The following NTN1 variants were observed in gnomAD, a reference collection of about 807,000 sequenced individuals.
NTN1 encodes netrin 1, also known as netrin-1.
Under a neutral mutation model 54.2 loss-of-function variants are expected in NTN1, and 11 were observed. The observed-to-expected ratio is 0.20, with a 90% CI of 0.13 to 0.34. NTN1 has a LOEUF of 0.34. NTN1 is among the 10% of genes least tolerant of loss of function. The pLI is 1.00. For missense variants in NTN1, 740 were observed against 893.1 expected (o/e 0.83, Z 2.18); for synonymous variants, 371 against 382.0 (o/e 0.97, Z 0.33).
At chr17:9,099,257 T>G (rs1238629789) in intron 2 of NTN1, among the ~76,000 whole-genome samples, 1 of 152,164 alleles carries the variant, frequency 6.6e-6, no homozygotes, top group Admixed American at 6.6e-5. Context: ...CAAAAAAAGT[T>G]AGCTGGGTGT....
At position 9,139,190 on chromosome 17, in the gene NTN1, G is replaced by T. The variant is rs1181135200; in HGVS notation, c.1019-23623G>T. ...TGGGGGCCTTGAATGCTGAGCTTAG[G>T]AATCGAGACATGTCCTTTAGGCTCT... is the stretch of plus-strand genomic sequence containing the variant. On this transcript the variant is annotated intron_variant, in intron 2 of 6. Transcript: ENST00000173229. Among the ~76,000 whole-genome samples the T allele has an allele frequency of 2.0e-5, 3 of 152,144 alleles. No individual in the cohort carries two copies. In the East Asian group the frequency reaches 5.8e-4, roughly 29 times the overall value.
At chr17:9,127,079 G>A (rs1042204066) in intron 2 of NTN1, among the ~76,000 whole-genome samples, 1 of 140,766 alleles carries the variant, frequency 7.1e-6, no homozygotes, top group Non-Finnish European at 1.6e-5. Context: ...GCCGGGGGGG[G>A]GCAGGACAGG....
chr17:9,195,192 A>ACCGCCCCCCCCCCC (rs3031881), intron 5 of NTN1, among the ~76,000 whole-genome samples: 9 of 142,510 alleles, frequency 6.3e-5, no homozygotes, highest in Admixed American at 2.9e-4. Context: ...GGCGAGCTCT[A>ACCGCCCCCCCCCCC]CCACCCCTCC....
chr17:9,238,812 A>G (rs956281710), intron 6 of NTN1, among the ~76,000 whole-genome samples: 3 of 152,202 alleles, frequency 2.0e-5, no homozygotes, highest in African/African-American at 7.2e-5. Flanking sequence ...CCTCTGAGTC[A>G]ATGACATCGG....
At chr17:9,124,291 G>A (rs1057116601) in intron 2 of NTN1, among the ~76,000 whole-genome samples, 1 of 152,252 alleles carries the variant, frequency 6.6e-6, no homozygotes, top group African/African-American at 2.4e-5. Context: ...GGGTGGAAAT[G>A]TGGCAGAGGA....
chr17:9,022,508 C>T lies in NTN1; in HGVS notation c.135C>T (p.Asn45=), dbSNP rs2091854124. Residue 45 remains asparagine (N), a synonymous_variant, in exon 2 of 7, where the codon AAC becomes AAT. Transcript: ENST00000173229. ...AGCCCGATCCCTGCTCGGACGAGAACGGCCACCCGCGCCGCTGCATCCCGG... is the reference window on the plus strand; with the variant it reads ...AGCCCGATCCCTGCTCGGACGAGAATGGCCACCCGCGCCGCTGCATCCCGG... ...AAQPDPCSDE[N]GHPRRCIPDF... The T allele has an allele frequency of 6.5e-7, 1 of 1,545,876 alleles. No homozygotes were observed. Among genetic ancestry groups the T allele is most frequent in the Non-Finnish European group, 8.7e-7 (1 of 1,149,436 alleles).
chr17:9,216,337 G>C (rs911497282), intron 5 of NTN1, among the ~76,000 whole-genome samples: 1 of 152,094 alleles, frequency 6.6e-6, no homozygotes, highest in Non-Finnish European at 1.5e-5. Flanking sequence ...TTTTGTTTCA[G>C]CTCAGTTTAA....
chr17:9,231,895 G>A (rs541969305), intron 6 of NTN1, among the ~76,000 whole-genome samples: 2 of 152,304 alleles, frequency 1.3e-5, no homozygotes, highest in South Asian at 2.1e-4. Flanking sequence ...TGCTGAGGGC[G>A]CTGGCCTCGG....
chr17:9,133,502 G>C (rs1330142868), intron 2 of NTN1, among the ~76,000 whole-genome samples: 1 of 152,180 alleles, frequency 6.6e-6, no homozygotes, highest in African/African-American at 2.4e-5. Flanking sequence ...AGGGCTGGGA[G>C]CCAGGGCGCA....
chr17:9,073,887 C>T (rs2092040782), intron 2 of NTN1, among the ~76,000 whole-genome samples: 1 of 152,216 alleles, frequency 6.6e-6, no homozygotes, highest in African/African-American at 2.4e-5. Flanking sequence ...TCAGCACTCC[C>T]TCTTTGTGGC....
intron 2 of NTN1, among the ~76,000 whole-genome samples, chr17:9,098,771 G>A (rs913914370): frequency 3.3e-5 from 5 of 151,994 alleles, no homozygotes; most frequent in African/African-American, 7.3e-5. Flanking sequence ...GGAGAGAAGC[G>A]ATTTTTCTCT....
intron 2 of NTN1, among the ~76,000 whole-genome samples, chr17:9,071,863 G>A (rs774705710): frequency 1.3e-5 from 2 of 152,250 alleles, no homozygotes; most frequent in Non-Finnish European, 2.9e-5. Flanking sequence ...GTCCCAGCTT[G>A]CAGTATGAAT....
chr17:9,188,803 TA>T (rs1244259412), intron 5 of NTN1, among the ~76,000 whole-genome samples: 1 of 152,038 alleles, frequency 6.6e-6, no homozygotes, highest in Non-Finnish European at 1.5e-5. Flanking sequence ...GCTCTTGGTA[TA>T]GGAGAAAGGG....
chr17:9,232,696 C>T (rs1905854653), intron 6 of NTN1, among the ~76,000 whole-genome samples: 2 of 152,174 alleles, frequency 1.3e-5, no homozygotes, highest in South Asian at 2.1e-4. Context: ...AGCCTCCAGC[C>T]CTCTGCCTTG....
chr17:9,139,661 C>T (rs951731747), intron 2 of NTN1, among the ~76,000 whole-genome samples: 1 of 152,170 alleles, frequency 6.6e-6, no homozygotes, highest in Non-Finnish European at 1.5e-5. Context: ...AAGACATCAC[C>T]CTCGTCCTCA....
intron 2 of NTN1, among the ~76,000 whole-genome samples, chr17:9,050,668 C>CAAAAAA (rs11302328): frequency 1.2e-4 from 7 of 58,642 alleles, no homozygotes; most frequent in East Asian, 6.6e-4. Flanking sequence ...GACTCCATCT[C>CAAAAAA]AAAAAAAAAA....
chr17:9,049,133 AAAATG>A (rs1436747487), intron 2 of NTN1, among the ~76,000 whole-genome samples: 2 of 152,238 alleles, frequency 1.3e-5, no homozygotes, highest in South Asian at 2.1e-4. Flanking sequence ...ATAATTGTAA[AAAATG>A]AAATGAAAGA....
At chr17:9,048,089 T>G (rs1435151641) in intron 2 of NTN1, among the ~76,000 whole-genome samples, 1 of 152,222 alleles carries the variant, frequency 6.6e-6, no homozygotes, top group Admixed American at 6.5e-5. Context: ...GGAATCACCA[T>G]CTGTGCAGCT....
At chr17:9,156,874 G>A (rs72811951) in intron 2 of NTN1, among the ~76,000 whole-genome samples, 7,570 of 151,970 alleles carry the variant, frequency 0.05, 251 homozygotes, top group Middle Eastern at 0.075. Flanking sequence ...ATACATACCC[G>A]CTTGCCTGTC....
Sources: allele counts gnomAD v4.1 joint callset (sites outside exome capture counted in the v4.1 genomes callset), GRCh38; gene constraint gnomAD v4.1.1; transcripts MANE v1.5; gene names NCBI Gene and HGNC (gene_info 2026-07-23, HGNC 2026-07-21).